RANBP17: variants seen among roughly 807,000 people sequenced by gnomAD.
The protein encoded by RANBP17 is RAN binding protein 17, also known as ran-binding protein 17.
RANBP17 carries 158 observed loss-of-function variants against 141.2 expected under a neutral mutation model. The observed-to-expected ratio is 1.12, with a 90% CI of 0.98 to 1.28. The LOEUF (loss-of-function observed/expected upper bound fraction) is 1.28, where lower values mean the gene tolerates loss of function less well. Ranked by LOEUF, RANBP17 falls within the 50% of genes most tolerant of loss-of-function variation. The pLI is 0.00. For synonymous variants in RANBP17, 430 were observed against 450.0 expected, an observed-to-expected ratio of 0.96 and a Z score of 0.56; for missense variants, 1,438 against 1,290.7, an observed-to-expected ratio of 1.11 and a Z score of -1.75.
intron 24 of RANBP17, among the ~76,000 whole-genome samples, chr5:171,261,281 A>G (rs1766314925): frequency 6.6e-6 from 1 of 152,182 alleles, no homozygotes; most frequent in African/African-American, 2.4e-5. Context: ...ATCACATTTT[A>G]CAGAGGTGCA....
chr5:171,252,437 A>G, intron 24 of RANBP17: 1 of 1,506,886 alleles, frequency 6.6e-7, no homozygotes. Flanking sequence ...GTGGAACAAA[A>G]TACATCAATT....
At chr5:171,049,875 T>C (rs1352515590) in intron 14 of RANBP17, among the ~76,000 whole-genome samples, 1 of 152,228 alleles carries the variant, frequency 6.6e-6, no homozygotes, top group Non-Finnish European at 1.5e-5. Flanking sequence ...ACTGTAGCCT[T>C]GTATTATAGT....
intron 13 of RANBP17, among the ~76,000 whole-genome samples, chr5:170,958,242 AT>A: frequency 6.6e-6 from 1 of 152,290 alleles, no homozygotes; most frequent in South Asian, 2.1e-4. Context: ...CTTCTTAGTT[AT>A]GTTTCCTGGC....
chr5:171,067,116 T>C (rs567422642), intron 14 of RANBP17, among the ~76,000 whole-genome samples: 2 of 152,306 alleles, frequency 1.3e-5, no homozygotes, highest in East Asian at 1.9e-4. Context: ...TCTTCTTTGA[T>C]TGATATTTTT....
intron 21 of RANBP17, among the ~76,000 whole-genome samples, chr5:171,217,202 T>C (rs1763275036): frequency 1.3e-5 from 2 of 152,218 alleles, no homozygotes; most frequent in South Asian, 2.1e-4. Flanking sequence ...GTTTATGTGA[T>C]GGATTATGTT....
intron 12 of RANBP17, among the ~76,000 whole-genome samples, chr5:170,946,151 C>G (rs1196003037): frequency 6.6e-6 from 1 of 152,060 alleles, no homozygotes; most frequent in Non-Finnish European, 1.5e-5. Context: ...AATATAGATA[C>G]AGTACTTAGA....
chr5:170,901,456 G>A (rs1272864560), intron 5 of RANBP17, among the ~76,000 whole-genome samples: 1 of 152,106 alleles, frequency 6.6e-6, no homozygotes, highest in African/African-American at 2.4e-5. Flanking sequence ...CATACTGATG[G>A]GTCTTGACTC....
chr5:171,110,809 T>A (rs1755168081), intron 14 of RANBP17, among the ~76,000 whole-genome samples: 1 of 152,056 alleles, frequency 6.6e-6, no homozygotes, highest in Non-Finnish European at 1.5e-5. Context: ...CTTTATAGAT[T>A]TTTCTCTACC....
intron 14 of RANBP17, among the ~76,000 whole-genome samples, chr5:171,055,281 C>T (rs1783265118): frequency 6.6e-6 from 1 of 152,052 alleles, no homozygotes; most frequent in Admixed American, 6.6e-5. Context: ...GGTTGGTTTA[C>T]AGGAATAGAC....
intron 14 of RANBP17, among the ~76,000 whole-genome samples, chr5:171,066,688 T>C (rs766357427): frequency 3.2e-4 from 49 of 152,208 alleles, no homozygotes; most frequent in Admixed American, 8.5e-4. Flanking sequence ...TTATACCCAG[T>C]AGTGAAATTG....
intron 5 of RANBP17, among the ~76,000 whole-genome samples, chr5:170,897,799 C>A (rs1372981588): frequency 2.0e-5 from 3 of 152,116 alleles, no homozygotes; most frequent in Admixed American, 6.5e-5. Context: ...TTTCTTTATC[C>A]AGTCTATCAT....
rs551775559 is a variant in RANBP17, at chr5:171,095,915, TTAAAA to T, written c.1711-74210_1711-74206del. On this transcript the variant is annotated intron_variant, in intron 14 of 27. Transcript: ENST00000523189. ...GTATGTATTTGTACTATGTATGCCC[TTAAAA>T]TAAAGGAAGGTAGGGGAAAAATCAT... 1.9e-4 allele frequency among the ~76,000 whole-genome samples: 29 copies of T among 152,248 alleles called. 1 individual carries two copies. The highest frequency in any genetic ancestry group is 3.4e-3 in the Middle Eastern group (1 of 294).
chr5:171,049,443 A>AT (rs1408225083), intron 14 of RANBP17, among the ~76,000 whole-genome samples: 2 of 151,880 alleles, frequency 1.3e-5, no homozygotes, highest in African/African-American at 2.4e-5. Flanking sequence ...TTGATGGTTT[A>AT]TTTTTGCTGT....
At chr5:171,041,573 T>C (rs557047311) in intron 14 of RANBP17, among the ~76,000 whole-genome samples, 84 of 152,232 alleles carry the variant, frequency 5.5e-4, no homozygotes, top group African/African-American at 1.9e-3. Flanking sequence ...ACCTGGATGG[T>C]ATAGCCTACT....
chr5:170,916,406 C>T, intron 8 of RANBP17, 59 bp from the exon 9 acceptor site: 1 of 1,338,100 alleles, frequency 7.5e-7, no homozygotes, highest in Admixed American at 2.4e-5. Flanking sequence ...ACTAGTATTC[C>T]TTACATGTGG....
intron 14 of RANBP17, among the ~76,000 whole-genome samples, chr5:171,030,079 A>G (rs979247876): frequency 6.6e-6 from 1 of 152,072 alleles, no homozygotes; most frequent in Non-Finnish European, 1.5e-5. Flanking sequence ...AAGTTAATAT[A>G]CTTCAGTGAG....
intron 14 of RANBP17, among the ~76,000 whole-genome samples, chr5:171,148,233 AT>A (rs1758206320): frequency 3.9e-5 from 6 of 152,164 alleles, no homozygotes; most frequent in Admixed American, 3.9e-4. Context: ...ATCTCAAGTA[AT>A]CAGGACACAA....
intron 14 of RANBP17, among the ~76,000 whole-genome samples, chr5:171,165,212 C>T (rs1057448518): frequency 5.3e-5 from 8 of 152,002 alleles, no homozygotes; most frequent in Admixed American, 1.3e-4. Flanking sequence ...GATGGAGTCT[C>T]GCTCTGTCAC....
At chr5:170,939,448 G>C (rs1365978757) in intron 12 of RANBP17, among the ~76,000 whole-genome samples, 2 of 151,820 alleles carry the variant, frequency 1.3e-5, no homozygotes, top group African/African-American at 4.8e-5. Context: ...GCAGTGGCGT[G>C]ATCTCAGTTC....
Sources: gnomAD v4.1 joint callset for allele counts (sites outside exome capture counted in the v4.1 genomes callset) on GRCh38, gnomAD v4.1.1 for gene constraint, MANE v1.5 for transcripts, NCBI Gene and HGNC (gene_info 2026-07-23, HGNC 2026-07-21) for gene names.